Variants in TIAM2 observed in about 807,000 individuals in gnomAD.
The protein encoded by TIAM2 is TIAM Rac1 associated GEF 2, also known as rho guanine nucleotide exchange factor TIAM2.
A neutral mutation model predicts 152.9 loss-of-function variants in TIAM2; 80 were observed. That is an observed-to-expected ratio of 0.52 (90% confidence interval 0.44 to 0.63). The LOEUF is 0.63. Among genes scored for constraint, TIAM2 ranks in the 30% least tolerant of loss-of-function variants. The pLI is 0.00. For synonymous variants in TIAM2, 804 were observed against 838.0 expected (o/e 0.96, Z 0.70); for missense variants, 1,965 against 2,120.1 (o/e 0.93, Z 1.44).
At chr6:155,148,001 C>T in intron 6 of TIAM2, 109 bp from the exon 7 acceptor site, 1 of 1,019,948 alleles carries the variant, frequency 9.8e-7, no homozygotes, top group Non-Finnish European at 1.5e-6. Context: ...AGCTTGTATG[C>T]AGTGCAAGTA....
intron 10 of TIAM2, among the ~76,000 whole-genome samples, chr6:155,178,463 C>T (rs745772430): frequency 6.6e-6 from 1 of 152,078 alleles, no homozygotes; most frequent in Non-Finnish European, 1.5e-5. Context: ...TATGTTCTAC[C>T]GTAATCTCTT....
At position 155,188,282 on chromosome 6, in the gene TIAM2, G is replaced by A. The variant is rs147145698; in HGVS notation, c.3064+4782G>A. 5.6e-3 allele frequency among the ~76,000 whole-genome samples: 860 copies of A among 152,288 alleles called. 4 individuals carry two copies. The highest frequency in any genetic ancestry group is 0.019 in the African/African-American group (791 of 41,544). Reference sequence around the variant, plus strand: ...TTCCATTTGGCAAATCGCTTACACTGGGAAGCAAAGAACTTCCAGCATTCA... The same window carrying A: ...TTCCATTTGGCAAATCGCTTACACTAGGAAGCAAAGAACTTCCAGCATTCA... On this transcript the variant is annotated intron_variant, in intron 14 of 26. Coordinates refer to ENST00000682666, the MANE Select transcript of TIAM2 (RefSeq NM_012454.4).
At chr6:155,069,654 G>A (rs532188357) in intron 1 of TIAM2, among the ~76,000 whole-genome samples, 91 of 152,214 alleles carry the variant, frequency 6.0e-4, no homozygotes, top group Admixed American at 1.2e-3. Context: ...AGTAATTTTA[G>A]TATAGTATCT....
intron 9 of TIAM2, chr6:155,168,878 G>C (rs1780506896): frequency 7.8e-6 from 12 of 1,535,448 alleles, no homozygotes; most frequent in Non-Finnish European, 1.0e-5. Context: ...TGGATTTTCT[G>C]GAACTCAGCT....
intron 2 of TIAM2, among the ~76,000 whole-genome samples, chr6:155,108,592 C>T (rs1013205846): frequency 6.6e-6 from 1 of 152,136 alleles, no homozygotes; most frequent in Non-Finnish European, 1.5e-5. Flanking sequence ...TACTTTAGTG[C>T]AGAGGGAGTG....
intron 14 of TIAM2, among the ~76,000 whole-genome samples, chr6:155,191,498 T>C (rs1480572856): frequency 6.6e-6 from 1 of 152,098 alleles, no homozygotes; most frequent in African/African-American, 2.4e-5. Context: ...ATTCTAAATA[T>C]TGGGGAAAAT....
chr6:155,069,769 C>T (rs1777792690), intron 1 of TIAM2, among the ~76,000 whole-genome samples: 1 of 152,064 alleles, frequency 6.6e-6, no homozygotes. Context: ...ATGTAGCTTC[C>T]TACTCTTTAA....
rs1325717063 is a variant in TIAM2, at chr6:155,251,997, G to T, written c.4113G>T (p.Lys1371Asn). 9 of 1,604,906 alleles carry T rather than the reference G, an allele frequency of 5.6e-6. No individual in the cohort carries two copies. Among genetic ancestry groups the T allele is most frequent in the Non-Finnish European group, 7.7e-6 (9 of 1,176,450 alleles). The stretch of plus-strand genomic sequence containing the variant: ...ATAAAGAAAACTGCAAACTGAAAAA[G>T]AAATTGGTAAGGCAAAAATTCATTT... ...LVYKENCKLK[K>N]KLPSNSRPAH... The change falls in exon 23 of 27, where the codon AAG becomes AAT. Residue 1371 changes from lysine to asparagine, a missense_variant. By Grantham distance (94) the Lys-to-Asn change is moderately conservative. Around this residue, in one of 3 missense-constraint regions of TIAM2, gnomAD observed 935 missense variants for 980.0 expected, o/e 0.95. Coordinates refer to ENST00000682666, the MANE Select transcript of TIAM2 (RefSeq NM_012454.4).
intron 15 of TIAM2, among the ~76,000 whole-genome samples, chr6:155,234,484 T>G (rs1442938551): frequency 1.3e-5 from 2 of 152,206 alleles, no homozygotes; most frequent in African/African-American, 4.8e-5. Flanking sequence ...TCCAGGATAG[T>G]CTTGACCTCC....
In TIAM2 at chr6:155,213,036, G is replaced by C. The variant is rs1176914281; in HGVS notation, c.3168+1729G>C. On this transcript the variant is annotated intron_variant, in intron 15 of 26. Transcript: ENST00000682666. This position sits in a 1 kb window ranked among gnomAD's most constrained non-coding sequence, Gnocchi z 4.2. ...AGAGGGTGGCATAGCCCTGGTTCTG[G>C]GAACTCCTAGGTCTGGGCTCCCTGA... Among the ~76,000 whole-genome samples the C allele has an allele frequency of 6.6e-6, 1 of 152,198 alleles. No homozygotes were observed. Among genetic ancestry groups the C allele is most frequent in the Non-Finnish European group, 1.5e-5 (1 of 68,026 alleles).
intron 1 of TIAM2, among the ~76,000 whole-genome samples, chr6:155,075,485 G>A (rs1777934886): frequency 1.3e-5 from 2 of 152,174 alleles, no homozygotes; most frequent in Non-Finnish European, 2.9e-5. Flanking sequence ...GAGTCCCTAG[G>A]ATTTTGAATG....
At chr6:155,207,515 CCT>C (rs1781624536) in intron 14 of TIAM2, among the ~76,000 whole-genome samples, 1 of 152,220 alleles carries the variant, frequency 6.6e-6, no homozygotes, top group African/African-American at 2.4e-5. Context: ...GCTGAGATTT[CCT>C]GTCTTGGCGG....
chr6:155,063,781 C>CAAAAAAAA (rs56808026), intron 1 of TIAM2, among the ~76,000 whole-genome samples: 2 of 91,070 alleles, frequency 2.2e-5, no homozygotes, highest in African/African-American at 4.5e-5. Flanking sequence ...GACTCTGTCT[C>CAAAAAAAA]AAAAAAAAAA....
rs150072569 is a variant in TIAM2, at chr6:155,256,997, G to A, written c.4982G>A (p.Ser1661Asn). ...KAQIRHQSLD[S>N]QSENATIDLN... ...CAGATCCGTCACCAGTCCCTTGACAGTCAGTCTGAAAATGCCACCATCGAC... is the reference window on the plus strand; with the variant it reads ...CAGATCCGTCACCAGTCCCTTGACAATCAGTCTGAAAATGCCACCATCGAC... The change falls in exon 27 of 27, where the codon AGT becomes AAT. Residue 1661 changes from serine to asparagine, a missense_variant. Physicochemically the swap from Ser to Asn is conservative, Grantham distance 46. This residue lies in a region of TIAM2 where 935 missense variants were observed against 980.0 expected (regional missense o/e 0.95). Transcript: ENST00000682666. 1.2e-5 allele frequency: 20 copies of A among 1,614,072 alleles called. No homozygotes were observed. Among genetic ancestry groups the A allele is most frequent in the Middle Eastern group, 1.6e-4 (1 of 6,084 alleles).
intron 2 of TIAM2, among the ~76,000 whole-genome samples, chr6:155,113,600 T>G (rs957760346): frequency 6.6e-6 from 1 of 152,050 alleles, no homozygotes; most frequent in Non-Finnish European, 1.5e-5. Context: ...GGTGGGCTCC[T>G]GTAGTGCCAG....
intron 1 of TIAM2, among the ~76,000 whole-genome samples, chr6:155,086,288 A>G (rs986396055): frequency 6.6e-6 from 1 of 152,250 alleles, no homozygotes; most frequent in South Asian, 2.1e-4. Context: ...CGCTGTCTAC[A>G]TGAGAGGTCT....
intron 1 of TIAM2, among the ~76,000 whole-genome samples, chr6:155,023,539 C>A (rs1159497402): frequency 6.6e-6 from 1 of 152,096 alleles, no homozygotes; most frequent in African/African-American, 2.4e-5. Flanking sequence ...GATTTTGCAG[C>A]CCTGACAGGT....
At chr6:155,042,232 G>A (rs1777063097) in intron 1 of TIAM2, among the ~76,000 whole-genome samples, 2 of 151,828 alleles carry the variant, frequency 1.3e-5, no homozygotes, top group Non-Finnish European at 2.9e-5. Context: ...AACACAGGTT[G>A]TTCTTGGAGC....
At chr6:155,159,942 A>T (rs1780226270) in intron 7 of TIAM2, among the ~76,000 whole-genome samples, 1 of 152,186 alleles carries the variant, frequency 6.6e-6, no homozygotes, top group Admixed American at 6.5e-5. Flanking sequence ...TGAAGGCTGT[A>T]TATAAGTCAG....
Sources: allele counts gnomAD v4.1 joint callset (sites outside exome capture counted in the v4.1 genomes callset), GRCh38; gene constraint gnomAD v4.1.1; regional missense constraint gnomAD v4.1.1; non-coding constraint Gnocchi (gnomAD v3.1); transcripts MANE v1.5; gene names NCBI Gene and HGNC (gene_info 2026-07-23, HGNC 2026-07-21).